Variants in KLHL4 observed in about 807,000 individuals in gnomAD.
KLHL4 encodes kelch like family member 4.
A neutral mutation model predicts 45.8 loss-of-function variants in KLHL4; 17 were observed. That is an observed-to-expected ratio of 0.37 (90% CI 0.25 to 0.56). KLHL4 has a LOEUF of 0.56. Among genes scored for constraint, KLHL4 ranks in the 20% least tolerant of loss-of-function variants. KLHL4 has a pLI of 0.79. For missense variants in KLHL4, 544 were observed against 544.9 expected, an observed-to-expected ratio of 1.00 and a Z score of 0.02; for synonymous variants, 224 against 189.9, an observed-to-expected ratio of 1.18 and a Z score of -1.47.
intron 1 of KLHL4, among the ~76,000 whole-genome samples, chrX:87,538,614 G>C (rs777966818): frequency 9.0e-6 from 1 of 111,416 alleles, no homozygotes; most frequent in Non-Finnish European, 1.9e-5. Context: ...ATCCCAATTG[G>C]AGCTCACATT....
At chrX:87,619,192 A>G (rs1922664868) in intron 4 of KLHL4, among the ~76,000 whole-genome samples, 2 of 112,310 alleles carry the variant, frequency 1.8e-5, no homozygotes, top group East Asian at 2.8e-4. Flanking sequence ...AAGCAATTGC[A>G]TACAAGTGAA....
At chrX:87,640,199 A>C (rs1007788564) in intron 9 of KLHL4, among the ~76,000 whole-genome samples, 11 of 111,536 alleles carry the variant, frequency 9.9e-5, no homozygotes, top group Non-Finnish European at 7.5e-5. Flanking sequence ...AACAGTAACT[A>C]AAAAGTTACC....
chrX:87,542,149 T>C (rs1931574346), intron 1 of KLHL4, among the ~76,000 whole-genome samples: 1 of 112,224 alleles, frequency 8.9e-6, no homozygotes, highest in African/African-American at 3.2e-5. Context: ...TACAGTTGTA[T>C]GTGTTCACAA....
At chrX:87,612,078 A>G (rs1348550064) in intron 1 of KLHL4, among the ~76,000 whole-genome samples, 2 of 112,055 alleles carry the variant, frequency 1.8e-5, no homozygotes, top group African/African-American at 3.2e-5. Context: ...TAAAGTAAAA[A>G]AAGTTACAGA....
intron 1 of KLHL4, among the ~76,000 whole-genome samples, chrX:87,590,031 T>G (rs1371941006): frequency 1.2e-5 from 1 of 81,826 alleles, no homozygotes; most frequent in East Asian, 3.9e-4. Flanking sequence ...AGAGCGAAAC[T>G]CCTTCTAAAA....
At chrX:87,578,244 C>T (rs1569345656) in intron 1 of KLHL4, among the ~76,000 whole-genome samples, 1 of 110,716 alleles carries the variant, frequency 9.0e-6, no homozygotes, top group East Asian at 2.8e-4. Context: ...ATCCCTAATT[C>T]AAATTAAATT....
intron 1 of KLHL4, among the ~76,000 whole-genome samples, chrX:87,603,774 C>T (rs1293182045): frequency 1.8e-5 from 2 of 109,910 alleles, no homozygotes; most frequent in Non-Finnish European, 3.8e-5. Flanking sequence ...TGCTAATATA[C>T]AGTACTTTAC....
At chrX:87,590,713 AGG>A (rs1486674619) in intron 1 of KLHL4, among the ~76,000 whole-genome samples, 1 of 111,984 alleles carries the variant, frequency 8.9e-6, no homozygotes, top group African/African-American at 3.2e-5. Context: ...GATTTCGATG[AGG>A]GTGCCAAGAA....
intron 9 of KLHL4, among the ~76,000 whole-genome samples, chrX:87,657,064 A>T (rs915225530): frequency 8.9e-6 from 1 of 111,873 alleles, no homozygotes; most frequent in East Asian, 2.8e-4. Context: ...CCTCCATTGG[A>T]GCTGGGGTGG....
At chrX:87,616,998 T>G (rs1922578401) in intron 3 of KLHL4, among the ~76,000 whole-genome samples, 1 of 111,978 alleles carries the variant, frequency 8.9e-6, no homozygotes. Context: ...GGGAATAGTT[T>G]GTAATTGATA....
chrX:87,641,590 G>A (rs1923460531), intron 9 of KLHL4, among the ~76,000 whole-genome samples: 1 of 111,701 alleles, frequency 9.0e-6, no homozygotes, highest in Non-Finnish European at 1.9e-5. Context: ...CTCCACAGGT[G>A]GGGGAAGAAC....
intron 1 of KLHL4, among the ~76,000 whole-genome samples, chrX:87,547,400 C>T (rs1276823785): frequency 9.0e-6 from 1 of 111,458 alleles, no homozygotes. Context: ...TTTTCTGAGG[C>T]CTCCTCAGCC....
rs146137829 is a variant in KLHL4 at position 87,628,387 on chromosome X, A to G, written c.1324+2591A>G. ...AAAACCAGGGTAAACACGTAGTAGCAAAAAAAAGAAAAAAGAGAAAAAGAA... is the reference window on the plus strand; with the variant it reads ...AAAACCAGGGTAAACACGTAGTAGCGAAAAAAAGAAAAAAGAGAAAAAGAA... On this transcript the variant is annotated intron_variant, in intron 6 of 10. Coordinates refer to ENST00000373119, the MANE Select transcript of KLHL4 (RefSeq NM_019117.5). Among the ~76,000 whole-genome samples, 786 of 107,852 alleles carry G rather than the reference A, an allele frequency of 7.3e-3. 6 individuals are homozygous for G. The highest frequency in any genetic ancestry group is 0.01 in the Non-Finnish European group (540 of 52,794). 93.7% of individuals were successfully genotyped at this position (107,852 alleles called of 115,157 possible). A position where few individuals can be genotyped will look rare whatever the true frequency, so the allele number is the denominator to read the frequency against.
At chrX:87,657,090 G>A (rs982137871) in intron 9 of KLHL4, among the ~76,000 whole-genome samples, 10 of 111,561 alleles carry the variant, frequency 9.0e-5, no homozygotes, top group South Asian at 7.6e-4. Flanking sequence ...CTCTCCATAA[G>A]CTCATCTGCA....
chrX:87,533,107 G>A (rs1931337992), intron 1 of KLHL4, among the ~76,000 whole-genome samples: 1 of 108,356 alleles, frequency 9.2e-6, no homozygotes, highest in Non-Finnish European at 1.9e-5. Flanking sequence ...CTGTTGGTGG[G>A]ACTGTAAACT....
intron 9 of KLHL4, among the ~76,000 whole-genome samples, chrX:87,645,734 A>G (rs1476706809): frequency 8.9e-6 from 1 of 111,885 alleles, no homozygotes; most frequent in Non-Finnish European, 1.9e-5. Flanking sequence ...AAAGGAATCA[A>G]TTAACAGCAT....
intron 1 of KLHL4, among the ~76,000 whole-genome samples, chrX:87,573,520 G>A (rs1001708754): frequency 3.2e-4 from 36 of 111,128 alleles, no homozygotes; most frequent in Non-Finnish European, 7.6e-5. Context: ...AGAATGAATA[G>A]ATGGATGGGA....
chrX:87,618,147 A>AC lies in KLHL4; in HGVS notation c.924+20dup. ...CACTATGGTAAAATCAATTGCTTCAACTGAACTTGTAGTAAAAATATGTTA... is the reference window on the plus strand; with the variant it reads ...CACTATGGTAAAATCAATTGCTTCAACCTGAACTTGTAGTAAAAATATGTTA... On this transcript the variant is annotated intron_variant, in intron 4 of 10. Transcript: ENST00000373119. The AC allele has an allele frequency of 3.6e-6, 4 of 1,113,642 alleles. No homozygotes were observed. Among genetic ancestry groups the AC allele is most frequent in the Non-Finnish European group, 4.8e-6 (4 of 827,088 alleles). The allele number at this position is 1,113,642 out of a possible 1,213,427, so 91.8% of individuals were successfully genotyped here.
At position 87,669,083 on chromosome X, in the gene KLHL4, C is replaced by G. The variant is rs1299996919; in HGVS notation, c.*2549C>G. 5 of 928,161 alleles carry G rather than the reference C, an allele frequency of 5.4e-6. No individual in the cohort carries two copies. Among genetic ancestry groups the G allele is most frequent in the Non-Finnish European group, 6.7e-6 (5 of 749,659 alleles). 76.5% of individuals were successfully genotyped at this position (928,161 alleles called of 1,213,427 possible). On this transcript the variant is annotated 3_prime_UTR_variant, in exon 11 of 11. Coordinates refer to ENST00000373119, the MANE Select transcript of KLHL4 (RefSeq NM_019117.5). Reference sequence around the variant, plus strand: ...GTAAGAGCAGGCCCTTTCTGACATGCTTTAGCAGAGATAACTTATCAGGGC... The same window carrying G: ...GTAAGAGCAGGCCCTTTCTGACATGGTTTAGCAGAGATAACTTATCAGGGC...
Sources: gnomAD v4.1 joint callset for allele counts (sites outside exome capture counted in the v4.1 genomes callset) on GRCh38, gnomAD v4.1.1 for gene constraint, MANE v1.5 for transcripts, NCBI Gene and HGNC (gene_info 2026-07-23, HGNC 2026-07-21) for gene names.